Variants in ATOH7 observed in about 807,000 individuals in gnomAD.
The protein encoded by ATOH7 is atonal bHLH transcription factor 7.
A neutral mutation model predicts 11.0 loss-of-function variants in ATOH7; 11 were observed. The observed-to-expected ratio is 1.00, with a 90% CI of 0.63 to 1.66. The LOEUF (loss-of-function observed/expected upper bound fraction) is 1.66. Among genes scored for constraint, ATOH7 ranks in the 40% most tolerant of loss-of-function variants. ATOH7 has a pLI of 0.00. For missense variants in ATOH7, 232 were observed against 219.2 expected (o/e 1.06, Z -0.37); for synonymous variants, 98 against 98.3 (o/e 1.00, Z 0.02).
rs552998481 is a variant in ATOH7 at position 68,231,141 on chromosome 10, G to T, written c.*78C>A. ...TGCATCCTTAGAATCCTGGGCCGCC[G>T]GAGGCTTCTGGGCTACTTGGGGCAG... On this transcript the variant is annotated 3_prime_UTR_variant, in exon 1 of 1. Transcript: ENST00000373673. 4.5e-6 allele frequency: 6 copies of T among 1,321,024 alleles called. No homozygotes were observed. In the Middle Eastern group the frequency reaches 8.3e-4, roughly 182 times the overall value. 81.8% of individuals were successfully genotyped at this position (1,321,024 alleles called of 1,614,324 possible). A position where few individuals can be genotyped will look rare whatever the true frequency, so the allele number is the denominator to read the frequency against.
In ATOH7 at chr10:68,231,303, C is replaced by G. The variant is rs767426217; in HGVS notation, c.375G>C (p.Pro125=). The G allele has an allele frequency of 3.3e-5, 53 of 1,611,608 alleles. No homozygotes were observed. In the Middle Eastern group the frequency reaches 6.7e-4, roughly 20 times the overall value. Residue 125 remains proline, a synonymous_variant, in exon 1 of 1, where the codon CCG becomes CCC. Transcript: ENST00000373673. ...HFGRDHYLPF[P]GAKLPGESEL... is the part of the protein sequence containing the mutation. ...CGCTCTCGCCCGGCAGCTTCGCGCC[C>G]GGGAACGGGAGGTAGTGGTCGCGGC...
Position 68,231,050 on chromosome 10 carries a change from T to C in ATOH7, c.*169A>G. The C allele has an allele frequency of 1.8e-6, 1 of 561,316 alleles. No homozygotes were observed. Among genetic ancestry groups the C allele is most frequent in the Non-Finnish European group, 2.8e-6 (1 of 356,418 alleles). The allele number at this position is 561,316 out of a possible 1,614,324, so 34.8% of individuals were successfully genotyped here. ...GGGGAAAAGAAAGGCAATTAAATGATTGCGTCCATAGGTCTGATGATGCGA... is the reference window on the plus strand; with the variant it reads ...GGGGAAAAGAAAGGCAATTAAATGACTGCGTCCATAGGTCTGATGATGCGA... On this transcript the variant is annotated 3_prime_UTR_variant, in exon 1 of 1. Transcript: ENST00000373673.
chr10:68,231,073 C>T lies in ATOH7; in HGVS notation c.*146G>A. The T allele has an allele frequency of 1.3e-6, 1 of 764,166 alleles. No individual in the cohort carries two copies. Among genetic ancestry groups the T allele is most frequent in the Non-Finnish European group, 1.9e-6 (1 of 516,164 alleles). The allele number at this position is 764,166 out of a possible 1,614,324, so 47.3% of individuals were successfully genotyped here. A position where few individuals can be genotyped will look rare whatever the true frequency, so the allele number is the denominator to read the frequency against. On this transcript the variant is annotated 3_prime_UTR_variant, in exon 1 of 1. Transcript: ENST00000373673. ...GATTGCGTCCATAGGTCTGATGATG[C>T]GAATAAAGGTAATCTGAGAATCGAC...
At position 68,231,540 on chromosome 10, in the gene ATOH7, G is replaced by A. The variant is rs1396975864; in HGVS notation, c.138C>T (p.Asn46=). 2 of 1,329,982 alleles carry A rather than the reference G, an allele frequency of 1.5e-6. No homozygotes were observed. Among genetic ancestry groups the A allele is most frequent in the Non-Finnish European group, 1.9e-6 (2 of 1,031,186 alleles). 82.4% of individuals were successfully genotyped at this position (1,329,982 alleles called of 1,614,324 possible). ...ESAARRRLAA[N]ARERRRMQGL... ...CCTGCATGCGGCGGCGCTCGCGCGC[G>A]TTGGCCGCCAGGCGCCTGCGCGCCG... is the stretch of plus-strand genomic sequence containing the variant. The change falls in exon 1 of 1, where the codon AAC becomes AAT. Residue 46 remains asparagine (N), a synonymous_variant. Transcript: ENST00000373673.
rs748978805 is a variant in ATOH7 at position 68,231,243 on chromosome 10, G to A, written c.435C>T (p.Pro145=). 4 of 1,563,550 alleles carry A rather than the reference G, an allele frequency of 2.6e-6. No homozygotes were observed. Among genetic ancestry groups the A allele is most frequent in the Non-Finnish European group, 3.5e-6 (4 of 1,154,954 alleles). ...LYSQRLFGFQ[P]EPFQMAT ...CCTAGGTGGCCATCTGGAAGGGCTC[G>A]GGCTGGAAGCCGAAGAGTCTCTGGC... Residue 145 remains proline (P), a synonymous_variant, in exon 1 of 1, where the codon CCC becomes CCT. Transcript: ENST00000373673.
chr10:68,231,262 C>T lies in ATOH7; in HGVS notation c.416G>A (p.Arg139Lys). 6.3e-7 allele frequency: 1 copy of T among 1,597,774 alleles called. No homozygotes were observed. The highest frequency in any genetic ancestry group is 1.1e-5 in the South Asian group (1 of 89,590). The change falls in exon 1 of 1, where the codon AGA becomes AAA. Residue 139 changes from arginine to lysine, a missense_variant. Physicochemically the swap from Arg to Lys is conservative, Grantham distance 26. Transcript: ENST00000373673. ...GGGCTCGGGCTGGAAGCCGAAGAGT[C>T]TCTGGCTGTACAGCTCGCTCTCGCC... The part of the protein sequence containing the change: ...LPGESELYSQ[R>K]LFGFQPEPFQ...
At position 68,231,415 on chromosome 10, in the gene ATOH7, T is replaced by C; in HGVS notation, c.263A>G (p.Tyr88Cys). ...CAGGATCCGGGTCAGAGCCATGATG[T>C]AGCTCAGGGCCATCTGCAGGGTCTC... is the stretch of plus-strand genomic sequence containing the variant. ...KYETLQMALS[Y>C]IMALTRILAE... The change falls in exon 1 of 1, where the codon TAC (tyrosine) becomes TGC (cysteine). Residue 88 changes from tyrosine to cysteine, a missense_variant. Transcript: ENST00000373673. 1 of 1,613,938 alleles carries C rather than the reference T, an allele frequency of 6.2e-7. No homozygotes were observed. Among genetic ancestry groups the C allele is most frequent in the Non-Finnish European group, 8.5e-7 (1 of 1,179,916 alleles).
Position 68,231,595 on chromosome 10 carries a change from G to C in ATOH7, c.83C>G (p.Thr28Arg), listed in dbSNP as rs2044028072. Residue 28 changes from threonine (T) to arginine (R), a missense_variant, in exon 1 of 1, where the codon ACG (threonine) becomes AGG (arginine). Coordinates refer to ENST00000373673, the MANE Select transcript of ATOH7 (RefSeq NM_145178.4). The stretch of plus-strand genomic sequence containing the variant: ...CTCCAGCCGCCCGGCCCCGGCGCAC[G>C]TGCCCGCGCACTCGGTGCCGCCCGC... The part of the protein sequence containing the change: ...PCAGGTECAG[T>R]CAGAGRLESA... 1.7e-6 allele frequency: 2 copies of C among 1,181,900 alleles called. No homozygotes were observed. Among genetic ancestry groups the C allele is most frequent in the Non-Finnish European group, 2.1e-6 (2 of 952,788 alleles). The allele number at this position is 1,181,900 out of a possible 1,614,324, so 73.2% of individuals were successfully genotyped here.
Position 68,231,077 on chromosome 10 carries a change from TA to T in ATOH7, c.*141del. On this transcript the variant is annotated 3_prime_UTR_variant, in exon 1 of 1. Coordinates refer to ENST00000373673, the MANE Select transcript of ATOH7 (RefSeq NM_145178.4). The stretch of plus-strand genomic sequence containing the variant: ...GCGTCCATAGGTCTGATGATGCGAA[TA>T]AAGGTAATCTGAGAATCGACTAATT... 1 of 812,852 alleles carries T rather than the reference TA, an allele frequency of 1.2e-6. No individual in the cohort carries two copies. The highest frequency in any genetic ancestry group is 1.8e-6 in the Non-Finnish European group (1 of 554,138). The allele number at this position is 812,852 out of a possible 1,614,324, so 50.4% of individuals were successfully genotyped here.
At position 68,231,479 on chromosome 10, in the gene ATOH7, C is replaced by G. The variant is rs1341060782; in HGVS notation, c.199G>C (p.Val67Leu). 6.2e-6 allele frequency: 10 copies of G among 1,600,350 alleles called. No individual in the cohort carries two copies. The highest frequency in any genetic ancestry group is 6.8e-6 in the Non-Finnish European group (8 of 1,173,872). Residue 67 changes from valine to leucine, a missense_variant, in exon 1 of 1, where the codon GTT (valine) becomes CTT (leucine). Transcript: ENST00000373673. ...NTAFDRLRRVVPQWGQDKKLS... is the reference protein window; with the variant it reads ...NTAFDRLRRVLPQWGQDKKLS... Reference sequence around the variant, plus strand: ...TTTTTATCCTGGCCCCACTGGGGAACCACCCTGCGTAAGCGGTCGAAGGCA... The same window carrying G: ...TTTTTATCCTGGCCCCACTGGGGAAGCACCCTGCGTAAGCGGTCGAAGGCA...
Position 68,231,251 on chromosome 10 carries a change from A to C in ATOH7, c.427T>G (p.Phe143Val), listed in dbSNP as rs1564710761. The change falls in exon 1 of 1, where the codon TTC (phenylalanine) becomes GTC (valine). Residue 143 changes from phenylalanine to valine, a missense_variant. Coordinates refer to ENST00000373673, the MANE Select transcript of ATOH7 (RefSeq NM_145178.4). ...GCCATCTGGAAGGGCTCGGGCTGGAAGCCGAAGAGTCTCTGGCTGTACAGC... is the reference window on the plus strand; with the variant it reads ...GCCATCTGGAAGGGCTCGGGCTGGACGCCGAAGAGTCTCTGGCTGTACAGC... ...SELYSQRLFG[F>V]QPEPFQMAT 1 of 1,573,008 alleles carries C rather than the reference A, an allele frequency of 6.4e-7. No individual in the cohort carries two copies.
In ATOH7 at chr10:68,231,282, C is replaced by G. The variant is rs368934719; in HGVS notation, c.396G>C (p.Glu132Asp). ...LPFPGAKLPGESELYSQRLFG... is the reference protein window; with the variant it reads ...LPFPGAKLPGDSELYSQRLFG... Reference sequence around the variant, plus strand: ...AGAGTCTCTGGCTGTACAGCTCGCTCTCGCCCGGCAGCTTCGCGCCCGGGA... The same window carrying G: ...AGAGTCTCTGGCTGTACAGCTCGCTGTCGCCCGGCAGCTTCGCGCCCGGGA... The change falls in exon 1 of 1, where the codon GAG (glutamate) becomes GAC (aspartate). Residue 132 changes from glutamate to aspartate, a missense_variant. Physicochemically the swap from Glu to Asp is conservative, Grantham distance 45 (BLOSUM62 2). Transcript: ENST00000373673. 3 of 1,609,266 alleles carry G rather than the reference C, an allele frequency of 1.9e-6. No individual in the cohort carries two copies. The highest frequency in any genetic ancestry group is 2.5e-6 in the Non-Finnish European group (3 of 1,178,538).
rs1410251988 is a variant in ATOH7 at position 68,230,969 on chromosome 10, A to G, written c.*250T>C. ...AGGGGAAAGGGGGCATTATTTTCAC[A>G]GCAATCAACCCATTCACAAGATCCA... On this transcript the variant is annotated 3_prime_UTR_variant, in exon 1 of 1. Coordinates refer to ENST00000373673, the MANE Select transcript of ATOH7 (RefSeq NM_145178.4). 2 of 414,656 alleles carry G rather than the reference A, an allele frequency of 4.8e-6. No individual in the cohort carries two copies. 25.7% of individuals were successfully genotyped at this position (414,656 alleles called of 1,614,324 possible).
rs747549064 is a variant in ATOH7, at chr10:68,231,332, A to C, written c.346T>G (p.Phe116Val). ...RDWVGLHCEHFGRDHYLPFPG... is the reference protein window; with the variant it reads ...RDWVGLHCEHVGRDHYLPFPG... ...AACGGGAGGTAGTGGTCGCGGCCGA[A>C]GTGCTCACAGTGGAGACCCACCCAG... The change falls in exon 1 of 1, where the codon TTC becomes GTC. Residue 116 changes from phenylalanine to valine, a missense_variant. Physicochemically the swap from Phe to Val is conservative, Grantham distance 50. Coordinates refer to ENST00000373673, the MANE Select transcript of ATOH7 (RefSeq NM_145178.4). 21 of 1,613,058 alleles carry C rather than the reference A, an allele frequency of 1.3e-5. No homozygotes were observed. In the South Asian group the frequency reaches 2.1e-4, roughly 16 times the overall value.
rs1564710768 is a variant in ATOH7, at chr10:68,231,256, A to G, written c.422T>C (p.Phe141Ser). 1 of 1,579,312 alleles carries G rather than the reference A, an allele frequency of 6.3e-7. No individual in the cohort carries two copies. The highest frequency in any genetic ancestry group is 8.6e-7 in the Non-Finnish European group (1 of 1,162,710). Residue 141 changes from phenylalanine to serine, a missense_variant, in exon 1 of 1, where the codon TTC becomes TCC. Physicochemically the swap from Phe to Ser is radical, Grantham distance 155. Coordinates refer to ENST00000373673, the MANE Select transcript of ATOH7 (RefSeq NM_145178.4). ...GESELYSQRL[F>S]GFQPEPFQMA... is the part of the protein sequence containing the mutation. ...CTGGAAGGGCTCGGGCTGGAAGCCG[A>G]AGAGTCTCTGGCTGTACAGCTCGCT...
At position 68,231,202 on chromosome 10, in the gene ATOH7, C is replaced by T; in HGVS notation, c.*17G>A. ...CGGAGCGGCTGCCGGACACCCACCC[C>T]CGCGGAGGCGCGCGCCCTAGGTGGC... On this transcript the variant is annotated 3_prime_UTR_variant, in exon 1 of 1. Transcript: ENST00000373673. 3 of 1,498,376 alleles carry T rather than the reference C, an allele frequency of 2.0e-6. No homozygotes were observed. Among genetic ancestry groups the T allele is most frequent in the South Asian group, 2.6e-5 (2 of 76,816 alleles). The allele number at this position is 1,498,376 out of a possible 1,614,324, so 92.8% of individuals were successfully genotyped here.
rs2044024049 is a variant in ATOH7 at position 68,231,189 on chromosome 10, C to T, written c.*30G>A. ...CAGGGCCGAGGCTCGGAGCGGCTGCCGGACACCCACCCCCGCGGAGGCGCG... is the reference window on the plus strand; with the variant it reads ...CAGGGCCGAGGCTCGGAGCGGCTGCTGGACACCCACCCCCGCGGAGGCGCG... On this transcript the variant is annotated 3_prime_UTR_variant, in exon 1 of 1. Coordinates refer to ENST00000373673, the MANE Select transcript of ATOH7 (RefSeq NM_145178.4). 3.4e-6 allele frequency: 5 copies of T among 1,472,316 alleles called. No individual in the cohort carries two copies. The African/African-American group carries it at 4.3e-5, about 13-fold the overall frequency. The allele number at this position is 1,472,316 out of a possible 1,614,324, so 91.2% of individuals were successfully genotyped here.
At position 68,231,037 on chromosome 10, in the gene ATOH7, G is replaced by T. The variant is rs1442228215; in HGVS notation, c.*182C>A. The T allele has an allele frequency of 1.9e-6, 1 of 516,218 alleles. No homozygotes were observed. Among genetic ancestry groups the T allele is most frequent in the Non-Finnish European group, 3.2e-6 (1 of 316,040 alleles). 32.0% of individuals were successfully genotyped at this position (516,218 alleles called of 1,614,324 possible). A position where few individuals can be genotyped will look rare whatever the true frequency, so the allele number is the denominator to read the frequency against. ...ATACAAAGGAGGAGGGGAAAAGAAA[G>T]GCAATTAAATGATTGCGTCCATAGG... On this transcript the variant is annotated 3_prime_UTR_variant, in exon 1 of 1. Transcript: ENST00000373673.
rs2044020987 is a variant in ATOH7, at chr10:68,230,611, A to C, written c.*608T>G. 6.6e-6 allele frequency: 1 copy of C among 152,194 alleles called. No homozygotes were observed. The highest frequency in any genetic ancestry group is 2.4e-5 in the African/African-American group (1 of 41,442). The allele number at this position is 152,194 out of a possible 1,614,324, so 9.4% of individuals were successfully genotyped here. A position where few individuals can be genotyped will look rare whatever the true frequency, so the allele number is the denominator to read the frequency against. On this transcript the variant is annotated 3_prime_UTR_variant, in exon 1 of 1. Coordinates refer to ENST00000373673, the MANE Select transcript of ATOH7 (RefSeq NM_145178.4). The stretch of plus-strand genomic sequence containing the variant: ...GCAAGGTACTTGGCATGAAAAACAA[A>C]TCCACGTTTTTATTTATATTTTATA...
Sources: allele counts gnomAD v4.1 joint callset, GRCh38; gene constraint gnomAD v4.1.1; transcripts MANE v1.5; gene names NCBI Gene and HGNC (gene_info 2026-07-23, HGNC 2026-07-21).